Variants in PALM2AKAP2 observed in about 807,000 individuals in gnomAD.
PALM2AKAP2 encodes PALM2 and AKAP2 fusion.
In PALM2AKAP2, 37 loss-of-function variants were observed where a neutral mutation model predicts 71.5. The ratio of observed to expected loss-of-function variants is 0.52; its 90% CI spans 0.40 to 0.68. The LOEUF (loss-of-function observed/expected upper bound fraction) is 0.68. Ranked by LOEUF, PALM2AKAP2 falls within the 30% of genes least tolerant of loss-of-function variation. The pLI, the probability that PALM2AKAP2 is intolerant of heterozygous loss-of-function variation, is 0.00. For synonymous variants in PALM2AKAP2, 468 were observed against 478.8 expected (o/e 0.98, Z 0.29); for missense variants, 1,224 against 1,191.8 (o/e 1.03, Z -0.40).
intron 6 of PALM2AKAP2, among the ~76,000 whole-genome samples, chr9:109,990,067 C>CTT (rs35739397): frequency 6.7e-4 from 90 of 134,114 alleles, no homozygotes; most frequent in African/African-American, 1.1e-3. Context: ...TTCTTTCTTT[C>CTT]TTTTTTTTTT....
rs139336204 is a variant in PALM2AKAP2, at chr9:109,781,085, T to C, written c.45+552T>C. On this transcript the variant is annotated intron_variant, in intron 1 of 9. Transcript: ENST00000302798. ...CCACCACCCTGGAGGTCTGGGGACTTCATACAACTGGGTCCTGGTTATAAT... is the reference window on the plus strand; with the variant it reads ...CCACCACCCTGGAGGTCTGGGGACTCCATACAACTGGGTCCTGGTTATAAT... Among the ~76,000 whole-genome samples the C allele has an allele frequency of 6.6e-5, 10 of 152,350 alleles. No homozygotes were observed. The East Asian group carries it at 1.9e-3, about 29-fold the overall frequency.
intron 1 of PALM2AKAP2, among the ~76,000 whole-genome samples, chr9:110,129,731 T>G (rs1410958002): frequency 6.6e-6 from 1 of 152,212 alleles, no homozygotes; most frequent in Non-Finnish European, 1.5e-5. Flanking sequence ...ACTTGGCTAG[T>G]TGAGTTGTGG....
At chr9:109,871,257 C>G (rs962915723) in intron 2 of PALM2AKAP2, among the ~76,000 whole-genome samples, 1 of 152,142 alleles carries the variant, frequency 6.6e-6, no homozygotes, top group Non-Finnish European at 1.5e-5. Flanking sequence ...ATATGGACTT[C>G]GAGCAAATTC....
At chr9:110,138,463 C>A (rs764217285) in exon 2 of PALM2AKAP2, 1 of 1,614,230 alleles carries the variant, frequency 6.2e-7, no homozygotes, top group East Asian at 2.2e-5. Context: ...AGAGACAAGT[C>A]TTGCAGAGTA....
chr9:110,166,938 GA>G (rs1216459356), intron 3 of PALM2AKAP2, among the ~76,000 whole-genome samples: 1 of 152,188 alleles, frequency 6.6e-6, no homozygotes, highest in African/African-American at 2.4e-5. Flanking sequence ...AATTTATAAA[GA>G]AAAAGAGGTT....
intron 1 of PALM2AKAP2, chr9:109,867,265 G>T: frequency 2.1e-6 from 1 of 482,082 alleles, no homozygotes. Context: ...GCCTGGCTGA[G>T]TGAGGAGAAT....
chr9:110,035,346 TA>T lies in PALM2AKAP2; in HGVS notation c.582+19308del, dbSNP rs1231912119. Among the ~76,000 whole-genome samples, 3 of 143,164 alleles carry T rather than the reference TA, an allele frequency of 2.1e-5. No homozygotes were observed. The East Asian group carries it at 7.3e-4, about 35-fold the overall frequency. The allele number at this position is 143,164 out of a possible 152,430, so 93.9% of individuals were successfully genotyped here. On this transcript the variant is annotated intron_variant, in intron 7 of 9. Coordinates refer to the PALM2AKAP2 transcript ENST00000302798. ...TATTATATGTATAATACATATTATA[TA>T]TATTATATGTATAATACATATTATA...
At chr9:110,154,866 C>T (rs913491675) in intron 2 of PALM2AKAP2, among the ~76,000 whole-genome samples, 16 of 152,070 alleles carry the variant, frequency 1.1e-4, no homozygotes, top group African/African-American at 2.4e-4. Context: ...AATAGCAAAA[C>T]GTTTGAGTTA....
rs558047756 is a variant in PALM2AKAP2 at position 109,718,388 on chromosome 9, AT to A, written c.6-62097del. Among the ~76,000 whole-genome samples the A allele has an allele frequency of 5.7e-4, 86 of 152,102 alleles. 1 individual carries two copies. Among genetic ancestry groups the A allele is most frequent in the Admixed American group, 8.5e-4 (13 of 15,262 alleles). The stretch of plus-strand genomic sequence containing the variant: ...GGCCCCAGTTACCTTCTTTTTCAAT[AT>A]TTAAGTTAGGTATTACACAAAAATG... On this transcript the variant is annotated intron_variant, in intron 1 of 6. Coordinates refer to the PALM2AKAP2 transcript ENST00000374531.
intron 1 of PALM2AKAP2, among the ~76,000 whole-genome samples, chr9:109,686,353 A>T (rs1827805290): frequency 6.6e-6 from 1 of 152,238 alleles, no homozygotes; most frequent in South Asian, 2.1e-4. Context: ...CGTATTTCTT[A>T]AACAATAAGA....
Position 109,896,185 on chromosome 9 carries a change from C to CAAAAAG in PALM2AKAP2, c.257+15526_257+15531dup, listed in dbSNP as rs572559628. 6.1e-3 allele frequency among the ~76,000 whole-genome samples: 931 copies of CAAAAAG among 151,614 alleles called. 9 individuals are homozygous for CAAAAAG. The highest frequency in any genetic ancestry group is 0.021 in the African/African-American group (872 of 41,280). On this transcript the variant is annotated intron_variant, in intron 3 of 9. Coordinates refer to the PALM2AKAP2 transcript ENST00000302798. ...GGGCAACAAGAGTGAAACTCCGTCT[C>CAAAAAG]AAAAAGAAAAAGAAAAAGAAAAAGA...
In PALM2AKAP2 at chr9:109,691,879, CACATATATATAT is replaced by C. The variant is rs1411177464; in HGVS notation, c.5+51015_5+51026del. 5.6e-3 allele frequency among the ~76,000 whole-genome samples: 281 copies of C among 50,466 alleles called. 6 individuals are homozygous for C. The highest frequency in any genetic ancestry group is 9.4e-3 in the Non-Finnish European group (232 of 24,584). The allele number at this position is 50,466 out of a possible 152,430, so 33.1% of individuals were successfully genotyped here. ...ATATATATATATATACACACACACA[CACATATATATAT>C]ATATATATATACACACACACATATA... On this transcript the variant is annotated intron_variant, in intron 1 of 6. Coordinates refer to the PALM2AKAP2 transcript ENST00000374531.
At chr9:109,932,667 A>G (rs780496499) in intron 6 of PALM2AKAP2, among the ~76,000 whole-genome samples, 13 of 152,076 alleles carry the variant, frequency 8.5e-5, no homozygotes, top group Non-Finnish European at 1.8e-4. Flanking sequence ...TAATGCAGAC[A>G]TGCCTCAGAA....
At chr9:110,136,831 G>T (rs776437871) in exon 2 of PALM2AKAP2, 1 of 1,614,184 alleles carries the variant, frequency 6.2e-7, no homozygotes, top group East Asian at 2.2e-5. Flanking sequence ...AGGATGACGA[G>T]CATGAGAAAG....
intron 1 of PALM2AKAP2, among the ~76,000 whole-genome samples, chr9:110,128,609 C>A (rs1835668845): frequency 6.6e-6 from 1 of 152,184 alleles, no homozygotes; most frequent in Admixed American, 6.5e-5. Flanking sequence ...GCAGAGAAAC[C>A]TGGTTGTACA....
At chr9:109,805,737 GTAAT>G (rs1564156951) in intron 1 of PALM2AKAP2, among the ~76,000 whole-genome samples, 1 of 152,204 alleles carries the variant, frequency 6.6e-6, no homozygotes, top group African/African-American at 2.4e-5. Flanking sequence ...GGCAGAAGAG[GTAAT>G]TTACGCATTT....
intron 1 of PALM2AKAP2, among the ~76,000 whole-genome samples, chr9:110,095,911 C>T (rs1006049831): frequency 2.6e-5 from 4 of 152,124 alleles, no homozygotes; most frequent in Admixed American, 6.5e-5. Flanking sequence ...TGAAGTAGCC[C>T]ATCTCTAAGT....
chr9:110,139,619 G>A (rs1388882779), intron 2 of PALM2AKAP2, among the ~76,000 whole-genome samples: 1 of 152,132 alleles, frequency 6.6e-6, no homozygotes, highest in Non-Finnish European at 1.5e-5. Flanking sequence ...ACTTATCTTG[G>A]TCCATCCATA....
chr9:109,755,161 C>T (rs1036228632), intron 1 of PALM2AKAP2, among the ~76,000 whole-genome samples: 11 of 152,164 alleles, frequency 7.2e-5, no homozygotes, highest in East Asian at 1.9e-4. Flanking sequence ...CTCCCACATA[C>T]GTAGCAGCCA....
Sources: allele counts gnomAD v4.1 joint callset (sites outside exome capture counted in the v4.1 genomes callset), GRCh38; gene constraint gnomAD v4.1.1; transcripts MANE v1.5; gene names NCBI Gene and HGNC (gene_info 2026-07-23, HGNC 2026-07-21).